MCF2L2: variants seen among roughly 807,000 people sequenced by gnomAD.
The protein encoded by MCF2L2 is MCF.2 cell line derived transforming sequence-like 2, also known as probable guanine nucleotide exchange factor MCF2L2.
In MCF2L2, 102 loss-of-function variants were observed where a neutral mutation model predicts 150.2. The ratio of observed to expected loss-of-function variants is 0.68; its 90% CI spans 0.58 to 0.80. The LOEUF is 0.80. Among genes scored for constraint, MCF2L2 ranks in the 30% least tolerant of loss-of-function variants. MCF2L2 has a pLI of 0.00. For synonymous variants in MCF2L2, 465 were observed against 491.3 expected, an observed-to-expected ratio of 0.95 and a Z score of 0.71; for missense variants, 1,256 against 1,372.8, an observed-to-expected ratio of 0.91 and a Z score of 1.34.
chr3:183,302,823 G>GC (rs11372648), intron 10 of MCF2L2, among the ~76,000 whole-genome samples: 42,391 of 151,776 alleles, frequency 0.28, 6,587 homozygotes, highest in East Asian at 0.49. Context: ...AGTCACCTAG[G>GC]CCCTCTCCCA....
intron 22 of MCF2L2, among the ~76,000 whole-genome samples, chr3:183,213,418 G>T (rs896046345): frequency 6.6e-6 from 1 of 151,886 alleles, no homozygotes; most frequent in Non-Finnish European, 1.5e-5. Context: ...TATCAGAAGG[G>T]ATTTTTTTCT....
intron 8 of MCF2L2, 37 bp downstream of exon 8, chr3:183,311,611 C>G: frequency 6.2e-7 from 1 of 1,611,878 alleles, no homozygotes; most frequent in Non-Finnish European, 8.5e-7. Context: ...TCTACATATT[C>G]TCTCCTGAAA....
At chr3:183,424,784 C>A (rs1716075521) in intron 1 of MCF2L2, among the ~76,000 whole-genome samples, 1 of 152,142 alleles carries the variant, frequency 6.6e-6, no homozygotes, top group Non-Finnish European at 1.5e-5. Context: ...TGTACTATTT[C>A]TGTGAGAAAT....
At chr3:183,243,344 G>A (rs1373124790) in intron 15 of MCF2L2, among the ~76,000 whole-genome samples, 1 of 152,100 alleles carries the variant, frequency 6.6e-6, no homozygotes, top group East Asian at 1.9e-4. Context: ...TAAGTTGCAG[G>A]GTCCCATTCT....
chr3:183,313,603 T>G (rs1389923889), intron 7 of MCF2L2, among the ~76,000 whole-genome samples: 6 of 152,104 alleles, frequency 3.9e-5, no homozygotes, highest in Non-Finnish European at 8.8e-5. Flanking sequence ...TTGGAAAGGG[T>G]AAGGGGAAGT....
intron 15 of MCF2L2, among the ~76,000 whole-genome samples, chr3:183,245,779 A>G (rs1724224154): frequency 6.6e-6 from 1 of 152,226 alleles, no homozygotes; most frequent in African/African-American, 2.4e-5. Flanking sequence ...TATTGAAACC[A>G]ATGACATTTA....
intron 1 of MCF2L2, among the ~76,000 whole-genome samples, chr3:183,406,354 A>T (rs780873344): frequency 6.6e-6 from 1 of 152,172 alleles, no homozygotes; most frequent in Non-Finnish European, 1.5e-5. Context: ...TGTATATCTT[A>T]TATCTTCCTT....
chr3:183,319,534 G>C (rs560164128), intron 6 of MCF2L2, among the ~76,000 whole-genome samples: 13 of 146,542 alleles, frequency 8.9e-5, no homozygotes, highest in Non-Finnish European at 1.8e-4. Context: ...ACCCATCAGA[G>C]GAATCACTAT....
Position 183,297,302 on chromosome 3 carries a change from G to A in MCF2L2, c.1306-135C>T, listed in dbSNP as rs548826303. 34 of 751,666 alleles carry A rather than the reference G, an allele frequency of 4.5e-5. 1 individual carries two copies. In the South Asian group the frequency reaches 5.2e-4, roughly 11 times the overall value. The allele number at this position is 751,666 out of a possible 1,614,324, so 46.6% of individuals were successfully genotyped here. ...TGGGAAATTGTCATGGGACGGCATC[G>A]AGTTTAAGGGGTCTAACCACTGTAA... On this transcript the variant is annotated intron_variant, in intron 11 of 29. Transcript: ENST00000328913.
chr3:183,276,350 T>C (rs1473140839), intron 15 of MCF2L2, among the ~76,000 whole-genome samples: 1 of 152,218 alleles, frequency 6.6e-6, no homozygotes, highest in Non-Finnish European at 1.5e-5. Context: ...TGGGTATAAA[T>C]AATGTGACTA....
At chr3:183,184,431 C>T (rs2108629051) in intron 27 of MCF2L2, among the ~76,000 whole-genome samples, 1 of 152,318 alleles carries the variant, frequency 6.6e-6, no homozygotes, top group South Asian at 2.1e-4. Flanking sequence ...GTCTCTGGGG[C>T]ACTCTCAGTC....
intron 15 of MCF2L2, among the ~76,000 whole-genome samples, chr3:183,260,249 G>A (rs1413432001): frequency 6.6e-6 from 1 of 152,116 alleles, no homozygotes; most frequent in Non-Finnish European, 1.5e-5. Flanking sequence ...GGCTTAAAGA[G>A]CTACCACATT....
intron 1 of MCF2L2, among the ~76,000 whole-genome samples, chr3:183,401,052 A>C (rs898126656): frequency 1.3e-5 from 2 of 151,962 alleles, no homozygotes; most frequent in Admixed American, 1.3e-4. Flanking sequence ...CTCCTGAACG[A>C]CTCCTGAAGA....
intron 2 of MCF2L2, among the ~76,000 whole-genome samples, chr3:183,386,937 G>A (rs1013555618): frequency 1.3e-5 from 2 of 152,148 alleles, no homozygotes; most frequent in African/African-American, 4.8e-5. Flanking sequence ...CTATCACAGC[G>A]AATCCATGCT....
chr3:183,233,587 A>G (rs60791624), intron 15 of MCF2L2, among the ~76,000 whole-genome samples: 49,841 of 151,934 alleles, frequency 0.33, 8,479 homozygotes, highest in African/African-American at 0.41. Context: ...TAAAAAATGA[A>G]TGTGTATGTA....
intron 15 of MCF2L2, among the ~76,000 whole-genome samples, chr3:183,256,908 T>C (rs1725090068): frequency 6.6e-6 from 1 of 152,180 alleles, no homozygotes; most frequent in African/African-American, 2.4e-5. Context: ...TTCAGTCAAT[T>C]AGGGATGATA....
chr3:183,361,112 A>AAAG (rs368179237), intron 3 of MCF2L2, among the ~76,000 whole-genome samples: 56 of 86,334 alleles, frequency 6.5e-4, no homozygotes, highest in African/African-American at 5.6e-3. Flanking sequence ...CAAGAAAAGA[A>AAAG]AAAAGAAAAA....
chr3:183,324,952 A>T (rs958701453), intron 5 of MCF2L2, among the ~76,000 whole-genome samples: 5 of 152,056 alleles, frequency 3.3e-5, no homozygotes, highest in Middle Eastern at 6.8e-3. Flanking sequence ...TAAAAAATGT[A>T]GAGTTCATGT....
chr3:183,224,203 A>G lies in MCF2L2; in HGVS notation c.2116-13T>C. 6.6e-7 allele frequency: 1 copy of G among 1,521,692 alleles called. No individual in the cohort carries two copies. The highest frequency in any genetic ancestry group is 9.1e-7 in the Non-Finnish European group (1 of 1,096,476). 94.3% of individuals were successfully genotyped at this position (1,521,692 alleles called of 1,614,324 possible). ...GAAGATCTTCTTTCTAGGTGGGAAA[A>G]AATTAGAATAAATTAATCAGGCAGC... On this transcript the variant is annotated splice_polypyrimidine_tract_variant and intron_variant, in intron 18 of 29. Coordinates refer to ENST00000328913, the MANE Select transcript of MCF2L2 (RefSeq NM_015078.4).
Sources: gnomAD v4.1 joint callset for allele counts (sites outside exome capture counted in the v4.1 genomes callset) on GRCh38, gnomAD v4.1.1 for gene constraint, MANE v1.5 for transcripts, NCBI Gene and HGNC (gene_info 2026-07-23, HGNC 2026-07-21) for gene names.